Variants in CTTNBP2 observed in about 807,000 individuals in gnomAD.
CTTNBP2 encodes the protein cortactin-binding protein 2.
Under a neutral mutation model 156.9 loss-of-function variants are expected in CTTNBP2, and 108 were observed. That is an observed-to-expected ratio of 0.69 (90% CI 0.59 to 0.81). The LOEUF (loss-of-function observed/expected upper bound fraction) is 0.81. Among genes scored for constraint, CTTNBP2 ranks in the 30% least tolerant of loss-of-function variants. The pLI is 0.00. For missense variants in CTTNBP2, 1,924 were observed against 2,035.4 expected (o/e 0.95, Z 1.05); for synonymous variants, 767 against 751.8 (o/e 1.02, Z -0.33).
In CTTNBP2 at chr7:117,835,372, T is replaced by A. The variant is rs183183115; in HGVS notation, c.190-24383A>T. On this transcript the variant is annotated intron_variant, in intron 2 of 22. Transcript: ENST00000160373. ...TGTAGTGAACTGTGACCCAACTTAATGTGTAAACAGACTGGAACCTACTTT... is the reference window on the plus strand; with the variant it reads ...TGTAGTGAACTGTGACCCAACTTAAAGTGTAAACAGACTGGAACCTACTTT... Among the ~76,000 whole-genome samples the A allele has an allele frequency of 2.3e-4, 35 of 152,358 alleles. No homozygotes were observed. The East Asian group carries it at 6.0e-3, about 26-fold the overall frequency.
chr7:117,871,148 A>G (rs1245745104), intron 1 of CTTNBP2, among the ~76,000 whole-genome samples: 2 of 152,244 alleles, frequency 1.3e-5, no homozygotes, highest in African/African-American at 2.4e-5. Flanking sequence ...AAAATAAAAA[A>G]TATCAGTCAA....
At chr7:117,712,635 G>A (rs1435123730) in intron 22 of CTTNBP2, among the ~76,000 whole-genome samples, 1 of 152,072 alleles carries the variant, frequency 6.6e-6, no homozygotes, top group Non-Finnish European at 1.5e-5. Context: ...ACCATTACAA[G>A]AATTTAAAAC....
rs1794543239 is a variant in CTTNBP2 at position 117,717,998 on chromosome 7, G to GGGGAGAAAGGGACACTTACCTTTT, written c.4742_4746+19dup. 2 of 1,407,496 alleles carry GGGGAGAAAGGGACACTTACCTTTT rather than the reference G, an allele frequency of 1.4e-6. No individual in the cohort carries two copies. The highest frequency in any genetic ancestry group is 2.3e-5 in the South Asian group (2 of 86,572). 87.2% of individuals were successfully genotyped at this position (1,407,496 alleles called of 1,614,324 possible). On this transcript the variant is annotated intron_variant, in intron 22 of 22. Coordinates refer to ENST00000160373, the MANE Select transcript of CTTNBP2 (RefSeq NM_033427.3). The stretch of plus-strand genomic sequence containing the variant: ...ACAGCAATCATCCTTTGTTCACTTT[G>GGGGAGAAAGGGACACTTACCTTTT]GGGAGAAAGGGACACTTACCTTTTG...
chr7:117,756,087 G>A (rs946106554), intron 12 of CTTNBP2, among the ~76,000 whole-genome samples: 1 of 152,142 alleles, frequency 6.6e-6, no homozygotes, highest in Non-Finnish European at 1.5e-5. Context: ...GGACTTATAT[G>A]TTTAAGAAAA....
In CTTNBP2 at chr7:117,807,551, A is replaced by T. The variant is rs563416671; in HGVS notation, c.414+3214T>A. Among the ~76,000 whole-genome samples, 27 of 152,292 alleles carry T rather than the reference A, an allele frequency of 1.8e-4. No individual in the cohort carries two copies. The South Asian group carries it at 5.4e-3, about 30-fold the overall frequency. On this transcript the variant is annotated intron_variant, in intron 3 of 22. Transcript: ENST00000160373. ...TGTTAGGAGAATTCTCTACTTTATGATTCTCCCCTGTAGAAGCTAAATATG... is the reference window on the plus strand; with the variant it reads ...TGTTAGGAGAATTCTCTACTTTATGTTTCTCCCCTGTAGAAGCTAAATATG...
In CTTNBP2 at chr7:117,848,881, C is replaced by T. The variant is rs76430800; in HGVS notation, c.189+12328G>A. On this transcript the variant is annotated intron_variant, in intron 2 of 22. Coordinates refer to ENST00000160373, the MANE Select transcript of CTTNBP2 (RefSeq NM_033427.3). ...CCTATGTGAAACCATTAGAGGTGTA[C>T]GTGAATAATTATATCAACTGTAATA... 6.9e-3 allele frequency among the ~76,000 whole-genome samples: 1,052 copies of T among 152,228 alleles called. 15 individuals are homozygous for T. The highest frequency in any genetic ancestry group is 0.023 in the African/African-American group (955 of 41,530).
chr7:117,745,454 T>G (rs1282046683), intron 14 of CTTNBP2, among the ~76,000 whole-genome samples: 1 of 152,112 alleles, frequency 6.6e-6, no homozygotes, highest in Non-Finnish European at 1.5e-5. Flanking sequence ...AGTAATAAAA[T>G]TTACTAAAAA....
At position 117,791,998 on chromosome 7, in the gene CTTNBP2, G is replaced by T; in HGVS notation, c.1198C>A (p.Pro400Thr). The T allele has an allele frequency of 7.4e-6, 12 of 1,614,100 alleles. No homozygotes were observed. The highest frequency in any genetic ancestry group is 1.0e-5 in the Non-Finnish European group (12 of 1,180,026). Residue 400 changes from proline to threonine, a missense_variant, in exon 4 of 23, where the codon CCA (proline) becomes ACA (threonine). Transcript: ENST00000160373. ...GGAGGGGCAGCGTTACTGGGAAGTG[G>T]GGGTGTGCTACTGGTTGGATCTGGT... ...STPDPTSSTP[P>T]LPSNAAPPTA...
At chr7:117,795,568 A>G (rs1455332546) in intron 3 of CTTNBP2, among the ~76,000 whole-genome samples, 4 of 152,164 alleles carry the variant, frequency 2.6e-5, no homozygotes, top group African/African-American at 9.7e-5. Context: ...CATGGCAATC[A>G]CTCAGGGTTC....
At chr7:117,845,801 T>C (rs1802546938) in intron 2 of CTTNBP2, among the ~76,000 whole-genome samples, 1 of 152,220 alleles carries the variant, frequency 6.6e-6, no homozygotes, top group South Asian at 2.1e-4. Context: ...TGTCCTGGTA[T>C]TTTAAGCATC....
intron 8 of CTTNBP2, among the ~76,000 whole-genome samples, chr7:117,771,354 C>T (rs1797786435): frequency 6.6e-6 from 1 of 152,180 alleles, no homozygotes; most frequent in African/African-American, 2.4e-5. Context: ...AAGCCCAGCT[C>T]AAGTGCTGAG....
chr7:117,800,947 G>C (rs1304015035), intron 3 of CTTNBP2, among the ~76,000 whole-genome samples: 6 of 152,144 alleles, frequency 3.9e-5, no homozygotes, highest in Non-Finnish European at 8.8e-5. Context: ...AAATGAGCCT[G>C]GAGTATCTTG....
intron 19 of CTTNBP2, among the ~76,000 whole-genome samples, chr7:117,721,712 G>T (rs1260059155): frequency 1.3e-5 from 2 of 152,160 alleles, no homozygotes; most frequent in African/African-American, 4.8e-5. Context: ...TTTTTAAACT[G>T]CAGATTATGA....
chr7:117,809,621 C>A (rs890946018), intron 3 of CTTNBP2, among the ~76,000 whole-genome samples: 8 of 152,142 alleles, frequency 5.3e-5, no homozygotes, highest in Non-Finnish European at 1.0e-4. Context: ...TTTTCTTTTA[C>A]TCAGTGCTTT....
rs1164132077 is a variant in CTTNBP2 at position 117,792,572 on chromosome 7, T to G, written c.624A>C (p.Glu208Asp). Residue 208 changes from glutamate (E) to aspartate (D), a missense_variant, in exon 4 of 23, where the codon GAA becomes GAC. Coordinates refer to ENST00000160373, the MANE Select transcript of CTTNBP2 (RefSeq NM_033427.3). This position sits in a 1 kb window ranked among gnomAD's most constrained non-coding sequence, Gnocchi z 4.2. ...KLEEEKKKTN[E>D]LEEELSAEKR... is the part of the protein sequence containing the mutation. ...TCTCAGCGGAGAGTTCCTCTTCTAATTCATTCGTCTTTTTCTTTTCCTCTT... is the reference window on the plus strand; with the variant it reads ...TCTCAGCGGAGAGTTCCTCTTCTAAGTCATTCGTCTTTTTCTTTTCCTCTT... The G allele has an allele frequency of 6.2e-7, 1 of 1,614,224 alleles. No homozygotes were observed. Among genetic ancestry groups the G allele is most frequent in the Non-Finnish European group, 8.5e-7 (1 of 1,180,034 alleles).
chr7:117,722,661 A>G lies in CTTNBP2; in HGVS notation c.4448-1531T>C, dbSNP rs191717428. 2.4e-3 allele frequency among the ~76,000 whole-genome samples: 368 copies of G among 152,242 alleles called. 3 individuals carry two copies. The highest frequency in any genetic ancestry group is 8.4e-3 in the African/African-American group (351 of 41,552). On this transcript the variant is annotated intron_variant, in intron 19 of 22. Transcript: ENST00000160373. ...TTCATTTTGTTGATTCTGTTTGTCTACTCTAAAGCATATACCAACAATTAA... is the reference window on the plus strand; with the variant it reads ...TTCATTTTGTTGATTCTGTTTGTCTGCTCTAAAGCATATACCAACAATTAA...
At chr7:117,828,844 A>G (rs1584503987) in intron 2 of CTTNBP2, among the ~76,000 whole-genome samples, 1 of 152,314 alleles carries the variant, frequency 6.6e-6, no homozygotes, top group African/African-American at 2.4e-5. Flanking sequence ...GGTGGTGTCT[A>G]TTAAATAGTC....
chr7:117,858,933 T>A (rs1175853121), intron 2 of CTTNBP2, among the ~76,000 whole-genome samples: 5 of 152,182 alleles, frequency 3.3e-5, no homozygotes, highest in African/African-American at 1.2e-4. Flanking sequence ...CATAGCAGGA[T>A]GGGATCAGGA....
chr7:117,735,562 A>C, intron 14 of CTTNBP2, 141 bp from the exon 15 acceptor site: 1 of 688,430 alleles, frequency 1.5e-6, no homozygotes, highest in Non-Finnish European at 2.4e-6. Context: ...TTGGGGAGTG[A>C]ACAACTCTGG....
Sources: gnomAD v4.1 joint callset for allele counts (sites outside exome capture counted in the v4.1 genomes callset) on GRCh38, gnomAD v4.1.1 for gene constraint, Gnocchi (gnomAD v3.1) non-coding constraint, MANE v1.5 for transcripts, NCBI Gene and HGNC (gene_info 2026-07-23, HGNC 2026-07-21) for gene names.